The following MAPK13 variants were observed in gnomAD, a reference collection of about 807,000 sequenced individuals.
MAPK13 encodes MAP kinase 13.
A neutral mutation model predicts 53.5 loss-of-function variants in MAPK13; 39 were observed. The observed-to-expected ratio is 0.73, with a 90% CI of 0.56 to 0.95. The LOEUF is 0.95. Ranked by LOEUF, MAPK13 falls within the 40% of genes least tolerant of loss-of-function variation. The probability of loss-of-function intolerance (pLI) is 0.00; values close to 1 mark genes in which losing one functional copy is unlikely to be tolerated. For missense variants in MAPK13, 460 were observed against 471.8 expected (o/e 0.98, Z 0.23); for synonymous variants, 179 against 190.9 (o/e 0.94, Z 0.51).
At position 36,138,935 on chromosome 6, in the gene MAPK13, G is replaced by A. The variant is rs41270090; in HGVS notation, c.898G>A (p.Ala300Thr). Residue 300 changes from alanine (A) to threonine (T), a missense_variant, in exon 11 of 12, where the codon GCG (alanine) becomes ACG (threonine). Ala to Thr is a moderately conservative substitution (Grantham distance 58, BLOSUM62 0). Coordinates refer to ENST00000211287, the MANE Select transcript of MAPK13 (RefSeq NM_002754.5). ...ELDVDKRLTA[A>T]QALTHPFFEP... ...AGACGTGGACAAGCGCCTGACGGCC[G>A]CGCAGGCCCTCACCCATCCCTTCTT... The A allele has an allele frequency of 1.6e-3, 2,553 of 1,612,942 alleles. 11 individuals carry two copies. Among genetic ancestry groups the A allele is most frequent in the South Asian group, 5.7e-3 (515 of 90,994 alleles).
chr6:36,131,032 G>T, intron 1 of MAPK13: 1 of 549,850 alleles, frequency 1.8e-6, no homozygotes, highest in Non-Finnish European at 3.2e-6. Context: ...GACAGAGTGA[G>T]ACTCCCGCCC....
chr6:36,131,498 C>A, intron 2 of MAPK13, 98 bp downstream of exon 2: 1 of 1,185,930 alleles, frequency 8.4e-7, no homozygotes, highest in Non-Finnish European at 1.2e-6. Flanking sequence ...TCGGGACAGT[C>A]TCCTCCCTGC....
chr6:36,131,210 C>A (rs1050141779), intron 1 of MAPK13, 61 bp from the exon 2 acceptor site: 17 of 1,566,324 alleles, frequency 1.1e-5, no homozygotes, highest in Non-Finnish European at 1.4e-5. Flanking sequence ...GGGGTCAGGG[C>A]GGTCTGGGAG....
At position 36,130,710 on chromosome 6, in the gene MAPK13, C is replaced by A; in HGVS notation, c.119+9C>A. ...GCCTATGGCTCCGTGTGGTGAGACC[C>A]CTGGGCCGCTGGGGGGCGGGGGGCG... is the stretch of plus-strand genomic sequence containing the variant. On this transcript the variant is annotated intron_variant, in intron 1 of 11. Transcript: ENST00000211287. The surrounding 1 kb of genome is among the most constrained non-coding windows in gnomAD (Gnocchi z 4.5). 2 of 1,244,100 alleles carry A rather than the reference C, an allele frequency of 1.6e-6. No individual in the cohort carries two copies. Among genetic ancestry groups the A allele is most frequent in the East Asian group, 6.2e-5 (2 of 32,288 alleles). The allele number at this position is 1,244,100 out of a possible 1,614,324, so 77.1% of individuals were successfully genotyped here.
rs1232921704 is a variant in MAPK13, at chr6:36,144,022, G to A, written c.*4649G>A. On this transcript the variant is annotated 3_prime_UTR_variant, in exon 12 of 12. Coordinates refer to ENST00000211287, the MANE Select transcript of MAPK13 (RefSeq NM_002754.5). ...CATATTTTCTTTTCTTTTCTTTTGA[G>A]ATGGGGTCTCACTCCATTACCCAGG... 1 of 152,120 alleles carries A rather than the reference G, an allele frequency of 6.6e-6. No homozygotes were observed. Among genetic ancestry groups the A allele is most frequent in the African/African-American group, 2.4e-5 (1 of 41,384 alleles). 9.4% of individuals were successfully genotyped at this position (152,120 alleles called of 1,614,324 possible). A position where few individuals can be genotyped will look rare whatever the true frequency, so the allele number is the denominator to read the frequency against.
rs914956699 is a variant in MAPK13, at chr6:36,140,239, G to A, written c.*866G>A. On this transcript the variant is annotated 3_prime_UTR_variant, in exon 12 of 12. Transcript: ENST00000211287. ...TGCGATTGCATTCAGGTTATTTTGG[G>A]TGAGTGATAAGCAATCAAGATATGA... 2 of 152,384 alleles carry A rather than the reference G, an allele frequency of 1.3e-5. No individual in the cohort carries two copies. Among genetic ancestry groups the A allele is most frequent in the African/African-American group, 2.4e-5 (1 of 41,462 alleles). 9.4% of individuals were successfully genotyped at this position (152,384 alleles called of 1,614,324 possible). A position where few individuals can be genotyped will look rare whatever the true frequency, so the allele number is the denominator to read the frequency against.
chr6:36,130,845 G>A lies in MAPK13; in HGVS notation c.119+144G>A. 1.9e-6 allele frequency: 1 copy of A among 522,168 alleles called. No individual in the cohort carries two copies. The allele number at this position is 522,168 out of a possible 1,614,324, so 32.3% of individuals were successfully genotyped here. A position where few individuals can be genotyped will look rare whatever the true frequency, so the allele number is the denominator to read the frequency against. On this transcript the variant is annotated intron_variant, in intron 1 of 11. Coordinates refer to ENST00000211287, the MANE Select transcript of MAPK13 (RefSeq NM_002754.5). This position sits in a 1 kb window ranked among gnomAD's most constrained non-coding sequence, Gnocchi z 4.5. The stretch of plus-strand genomic sequence containing the variant: ...GCGCCCTCCCCGGGGCCACCCAGCG[G>A]CCATCTCCCTTTTCTCACCGAGTGG...
At chr6:36,133,197 G>A (rs546160509) in intron 3 of MAPK13, among the ~76,000 whole-genome samples, 14 of 152,380 alleles carry the variant, frequency 9.2e-5, no homozygotes, top group African/African-American at 3.4e-4. Flanking sequence ...AGATGGAGAA[G>A]TCAGTGTGGC....
In MAPK13 at chr6:36,131,336, C is replaced by CCGAGATCTT; in HGVS notation, c.188_196dup (p.Glu63_Phe65dup). On this transcript the variant is annotated inframe_insertion, in exon 2 of 12. Transcript: ENST00000211287. ...AAGAAGCTGAGCCGACCCTTTCAGT[C>CCGAGATCTT]CGAGATCTTCGCCAAGCGCGCCTAC... The CCGAGATCTT allele has an allele frequency of 6.2e-7, 1 of 1,613,936 alleles. No individual in the cohort carries two copies. The highest frequency in any genetic ancestry group is 1.1e-5 in the South Asian group (1 of 91,084).
At chr6:36,131,002 A>G in intron 1 of MAPK13, 1 of 517,752 alleles carries the variant, frequency 1.9e-6, no homozygotes, top group Non-Finnish European at 3.4e-6. Flanking sequence ...CAAGAGGGGG[A>G]GGTGGCTCGC....
chr6:36,134,341 C>A (rs6905700), intron 3 of MAPK13, among the ~76,000 whole-genome samples: 10,895 of 152,082 alleles, frequency 0.072, 771 homozygotes, highest in African/African-American at 0.19. Context: ...ACAACAACAA[C>A]AAAAAACACA....
In MAPK13 at chr6:36,130,725, G is replaced by A; in HGVS notation, c.119+24G>A. The A allele has an allele frequency of 8.6e-7, 1 of 1,162,616 alleles. No homozygotes were observed. The allele number at this position is 1,162,616 out of a possible 1,614,324, so 72.0% of individuals were successfully genotyped here. ...TGGTGAGACCCCTGGGCCGCTGGGG[G>A]GCGGGGGGCGGGCGCCAGGCTCTCC... On this transcript the variant is annotated intron_variant, in intron 1 of 11. Transcript: ENST00000211287. This position sits in a 1 kb window ranked among gnomAD's most constrained non-coding sequence, Gnocchi z 4.5.
chr6:36,133,514 TGAGGTGGCA>T (rs754487330), intron 3 of MAPK13, among the ~76,000 whole-genome samples: 3 of 151,954 alleles, frequency 2.0e-5, no homozygotes, highest in Admixed American at 6.6e-5. Context: ...AGTAGCTGAG[TGAGGTGGCA>T]GAGGTGGAGG....
chr6:36,130,572 G>T lies in MAPK13; in HGVS notation c.-11G>T. The T allele has an allele frequency of 2.0e-6, 3 of 1,466,060 alleles. No homozygotes were observed. Among genetic ancestry groups the T allele is most frequent in the South Asian group, 1.2e-5 (1 of 83,598 alleles). The allele number at this position is 1,466,060 out of a possible 1,614,324, so 90.8% of individuals were successfully genotyped here. On this transcript the variant is annotated 5_prime_UTR_variant, in exon 1 of 12. Transcript: ENST00000211287. The surrounding 1 kb of genome is among the most constrained non-coding windows in gnomAD (Gnocchi z 4.5). ...CCGCCACGCTGGGGCCGCCGAGATC[G>T]GGTGCCCGGGATGAGCCTCATCCGG...
rs780728892 is a variant in MAPK13, at chr6:36,132,634, T to A, written c.263T>A (p.Leu88Gln). The A allele has an allele frequency of 6.2e-7, 1 of 1,614,230 alleles. No individual in the cohort carries two copies. The highest frequency in any genetic ancestry group is 1.1e-5 in the South Asian group (1 of 91,090). Residue 88 changes from leucine to glutamine, a missense_variant, in exon 3 of 12, where the codon CTG becomes CAG. Physicochemically the swap from Leu to Gln is moderately radical, Grantham distance 113. Coordinates refer to ENST00000211287, the MANE Select transcript of MAPK13 (RefSeq NM_002754.5). ...CTTCTTCCCCAGGTCATTGGGCTCCTGGATGTCTTCACCCCAGCCTCCTCC... is the reference window on the plus strand; with the variant it reads ...CTTCTTCCCCAGGTCATTGGGCTCCAGGATGTCTTCACCCCAGCCTCCTCC... ...HMQHENVIGL[L>Q]DVFTPASSLR...
chr6:36,138,422 T>C lies in MAPK13; in HGVS notation c.740T>C (p.Val247Ala). 1 of 1,614,054 alleles carries C rather than the reference T, an allele frequency of 6.2e-7. No homozygotes were observed. The change falls in exon 9 of 12, where the codon GTG becomes GCG. Residue 247 changes from valine (V) to alanine (A), a missense_variant. Physicochemically the swap from Val to Ala is moderately conservative, Grantham distance 64. Coordinates refer to ENST00000211287, the MANE Select transcript of MAPK13 (RefSeq NM_002754.5). ...ACCGGGGTGCCTGGCACGGAGTTTGTGCAGAAGCTGAACGACAAAGCGGTG... is the reference window on the plus strand; with the variant it reads ...ACCGGGGTGCCTGGCACGGAGTTTGCGCAGAAGCTGAACGACAAAGCGGTG... ...KVTGVPGTEF[V>A]QKLNDKAAKS...
Position 36,130,721 on chromosome 6 carries a change from G to GGGGGGCA in MAPK13, c.119+26_119+27insAGGGGGC. The GGGGGGCA allele has an allele frequency of 4.9e-6, 5 of 1,010,406 alleles. No homozygotes were observed. Among genetic ancestry groups the GGGGGGCA allele is most frequent in the South Asian group, 1.4e-5 (1 of 69,962 alleles). 62.6% of individuals were successfully genotyped at this position (1,010,406 alleles called of 1,614,324 possible). A position where few individuals can be genotyped will look rare whatever the true frequency, so the allele number is the denominator to read the frequency against. On this transcript the variant is annotated intron_variant, in intron 1 of 11. Transcript: ENST00000211287. The surrounding 1 kb of genome is among the most constrained non-coding windows in gnomAD (Gnocchi z 4.5). Reference sequence around the variant, plus strand: ...CGTGTGGTGAGACCCCTGGGCCGCTGGGGGGCGGGGGGCGGGCGCCAGGCT... The same window carrying GGGGGGCA: ...CGTGTGGTGAGACCCCTGGGCCGCTGGGGGGCAGGGGGCGGGGGGCGGGCGCCAGGCT...
At chr6:36,135,091 G>A (rs562300933) in intron 3 of MAPK13, among the ~76,000 whole-genome samples, 14 of 152,358 alleles carry the variant, frequency 9.2e-5, no homozygotes, top group Admixed American at 7.8e-4. Flanking sequence ...CGCCTCAAGC[G>A]ATCGTCCAGC....
In MAPK13 at chr6:36,139,504, A is replaced by C. The variant is rs570240150; in HGVS notation, c.*131A>C. Reference sequence around the variant, plus strand: ...GAAGGGTCCTTCTCCTTATGTGGGAAATGGGCCTAGTAGATGCAGAATTCA... The same window carrying C: ...GAAGGGTCCTTCTCCTTATGTGGGACATGGGCCTAGTAGATGCAGAATTCA... On this transcript the variant is annotated 3_prime_UTR_variant, in exon 12 of 12. Transcript: ENST00000211287. 162 of 700,376 alleles carry C rather than the reference A, an allele frequency of 2.3e-4. No homozygotes were observed. In the African/African-American group the frequency reaches 2.7e-3, roughly 12 times the overall value. 43.4% of individuals were successfully genotyped at this position (700,376 alleles called of 1,614,324 possible). A position where few individuals can be genotyped will look rare whatever the true frequency, so the allele number is the denominator to read the frequency against.
Sources: allele counts gnomAD v4.1 joint callset (sites outside exome capture counted in the v4.1 genomes callset), GRCh38; gene constraint gnomAD v4.1.1; non-coding constraint Gnocchi (gnomAD v3.1); transcripts MANE v1.5; gene names NCBI Gene and HGNC (gene_info 2026-07-23, HGNC 2026-07-21).